The following ATP10B variants were observed in gnomAD, a reference collection of about 807,000 sequenced individuals.
ATP10B encodes the protein ATPase phospholipid transporting 10B (putative), also known as phospholipid-transporting ATPase VB.
A neutral mutation model predicts 141.2 loss-of-function variants in ATP10B; 122 were observed. That is an observed-to-expected ratio of 0.86 (90% CI 0.75 to 1.00). The LOEUF is 1.00. Among genes scored for constraint, ATP10B ranks in the 50% least tolerant of loss-of-function variants. The probability of loss-of-function intolerance (pLI) is 0.00; values close to 1 mark genes in which losing one functional copy is unlikely to be tolerated. For missense variants in ATP10B, 1,876 were observed against 1,825.3 expected (o/e 1.03, Z -0.51); for synonymous variants, 685 against 692.0 (o/e 0.99, Z 0.16).
chr5:160,715,585 CACGCTGGGAGCTGTAG>C (rs1377479447), intron 3 of ATP10B, among the ~76,000 whole-genome samples: 2 of 151,860 alleles, frequency 1.3e-5, no homozygotes, highest in African/African-American at 4.8e-5. Context: ...CTGCGTCGCT[CACGCTGGGAGCTGTAG>C]ACCGGAGCTG....
At chr5:160,873,815 C>T in the ATP10B span, among the ~76,000 whole-genome samples, 24 of 152,222 alleles carry the variant, frequency 1.6e-4, no homozygotes, top group Non-Finnish European at 2.8e-4. Context: ...CTGAATATTG[C>T]GCTTTTCAGA....
At chr5:160,810,303 A>AT (rs1176706719) in intron 1 of ATP10B, among the ~76,000 whole-genome samples, 2 of 151,952 alleles carry the variant, frequency 1.3e-5, no homozygotes, top group African/African-American at 4.8e-5. Context: ...TAGCATTTTC[A>AT]TTTTTTGTGC....
chr5:160,613,849 T>C (rs1360141648), intron 17 of ATP10B: 1 of 152,212 alleles, frequency 6.6e-6, no homozygotes, highest in Non-Finnish European at 1.5e-5. Flanking sequence ...TGCTTTTCAA[T>C]TGAGATTCAT....
At chr5:160,661,363 A>C (rs191988126) in intron 7 of ATP10B, among the ~76,000 whole-genome samples, 26 of 152,352 alleles carry the variant, frequency 1.7e-4, no homozygotes, top group South Asian at 8.3e-4. Flanking sequence ...TTGGATGCTG[A>C]TTCAAACAAA....
At chr5:160,881,080 A>G in the ATP10B span, among the ~76,000 whole-genome samples, 2 of 152,250 alleles carry the variant, frequency 1.3e-5, no homozygotes, top group African/African-American at 4.8e-5. Context: ...TAGAATTCTT[A>G]AAAATCAACA....
Position 160,594,277 on chromosome 5 carries a change from C to T in ATP10B, c.3565-3138G>A, listed in dbSNP as rs1756525517. The stretch of plus-strand genomic sequence containing the variant: ...GAATTTTCAACTCAGAATTTCATAT[C>T]CAGCCAAACTAAGCTTCATAAGTGA... On this transcript the variant is annotated intron_variant, in intron 22 of 25. Coordinates refer to ENST00000327245, the MANE Select transcript of ATP10B (RefSeq NM_025153.3). Among the ~76,000 whole-genome samples, 4 of 152,276 alleles carry T rather than the reference C, an allele frequency of 2.6e-5. No homozygotes were observed. The South Asian group carries it at 8.3e-4, about 32-fold the overall frequency.
At chr5:160,641,530 C>T (rs1759867504) in intron 9 of ATP10B, among the ~76,000 whole-genome samples, 1 of 152,214 alleles carries the variant, frequency 6.6e-6, no homozygotes, top group East Asian at 1.9e-4. Flanking sequence ...TAAAAAGGAT[C>T]TGCCCAAAGT....
At chr5:160,683,185 G>A (rs1481519866) in intron 6 of ATP10B, among the ~76,000 whole-genome samples, 1 of 152,014 alleles carries the variant, frequency 6.6e-6, no homozygotes, top group Non-Finnish European at 1.5e-5. Context: ...ATTCAAAGGC[G>A]AGGAACGACT....
chr5:160,869,747 G>A, the ATP10B span, among the ~76,000 whole-genome samples: 2 of 152,226 alleles, frequency 1.3e-5, no homozygotes, highest in South Asian at 4.1e-4. Context: ...AAATCACAGT[G>A]GGAACCTGGG....
chr5:160,769,590 AGCACTGTGGT>A (rs72297673), intron 2 of ATP10B, among the ~76,000 whole-genome samples: 30,915 of 152,080 alleles, frequency 0.2, 3,724 homozygotes, highest in East Asian at 0.51. Flanking sequence ...CTAAGCAGGC[AGCACTGTGGT>A]GCTTCTTGGG....
chr5:160,923,416 G>T, the ATP10B span, among the ~76,000 whole-genome samples: 7 of 152,300 alleles, frequency 4.6e-5, no homozygotes, highest in African/African-American at 1.7e-4. Context: ...TGTAAACGAT[G>T]ATGACAGTAT....
rs774398553 is a variant in ATP10B at position 160,640,506 on chromosome 5, A to T, written c.955T>A (p.Phe319Ile). Residue 319 changes from phenylalanine to isoleucine, a missense_variant, in exon 10 of 26, where the codon TTC becomes ATC. Transcript: ENST00000327245. ...ATGAGGATGAGGATCCCAATGCAGA[A>T]GAAGATGTCTATATTCATGCGCCGC... Reference protein sequence around the residue: ...IERRMNIDIFFCIGILILMCL... With the variant: ...IERRMNIDIFICIGILILMCL... 4 of 1,614,034 alleles carry T rather than the reference A, an allele frequency of 2.5e-6. No homozygotes were observed. In the African/African-American group the frequency reaches 5.3e-5, roughly 22 times the overall value.
intron 1 of ATP10B, among the ~76,000 whole-genome samples, chr5:160,786,567 C>T (rs1218898629): frequency 6.6e-6 from 1 of 152,100 alleles, no homozygotes; most frequent in East Asian, 1.9e-4. Context: ...CCCTCCATTC[C>T]ATTCTACTGC....
intron 6 of ATP10B, among the ~76,000 whole-genome samples, chr5:160,674,823 G>C (rs1561738169): frequency 6.6e-6 from 1 of 151,978 alleles, no homozygotes; most frequent in Non-Finnish European, 1.5e-5. Flanking sequence ...TACAAAATTT[G>C]AAAAATTTTA....
chr5:160,867,343 G>C, the ATP10B span, among the ~76,000 whole-genome samples: 1 of 151,976 alleles, frequency 6.6e-6, no homozygotes, highest in Non-Finnish European at 1.5e-5. Flanking sequence ...AGACAACTAG[G>C]AGAACTTACT....
chr5:160,882,874 T>C, the ATP10B span, among the ~76,000 whole-genome samples: 1 of 152,022 alleles, frequency 6.6e-6, no homozygotes, highest in East Asian at 1.9e-4. Context: ...TAAAACCAGA[T>C]ATCAAGTCAG....
At chr5:160,900,224 TTTTC>T in the ATP10B span, among the ~76,000 whole-genome samples, 1 of 152,168 alleles carries the variant, frequency 6.6e-6, no homozygotes, top group Admixed American at 6.5e-5. Flanking sequence ...CCCTTTGATC[TTTTC>T]TTTTTCTTTT....
intron 2 of ATP10B, among the ~76,000 whole-genome samples, chr5:160,780,139 T>C (rs1459101937): frequency 6.6e-6 from 1 of 152,186 alleles, no homozygotes; most frequent in East Asian, 1.9e-4. Context: ...GTATACAAAA[T>C]ATAAATGGCT....
intron 22 of ATP10B, among the ~76,000 whole-genome samples, chr5:160,592,672 G>T (rs564249243): frequency 1.3e-3 from 198 of 152,348 alleles, no homozygotes; most frequent in Non-Finnish European, 2.5e-3. Context: ...AAAGAAAGGG[G>T]TGACAGATGG....
Sources: gnomAD v4.1 joint callset for allele counts (sites outside exome capture counted in the v4.1 genomes callset) on GRCh38, gnomAD v4.1.1 for gene constraint, MANE v1.5 for transcripts, NCBI Gene and HGNC (gene_info 2026-07-23, HGNC 2026-07-21) for gene names.